ASTN2: variants seen among roughly 807,000 people sequenced by gnomAD.
ASTN2 encodes the protein astrotactin-2.
In ASTN2, 54 loss-of-function variants were observed where a neutral mutation model predicts 139.8. The ratio of observed to expected loss-of-function variants is 0.39; its 90% confidence interval spans 0.31 to 0.48. The LOEUF (loss-of-function observed/expected upper bound fraction) is 0.48, where lower values mean the gene tolerates loss of function less well. Ranked by LOEUF, ASTN2 falls within the 20% of genes least tolerant of loss-of-function variation. The pLI, the probability that ASTN2 is intolerant of heterozygous loss-of-function variation, is 0.95. For synonymous variants in ASTN2, 756 were observed against 719.5 expected (o/e 1.05, Z -0.81); for missense variants, 1,565 against 1,725.1 (o/e 0.91, Z 1.64).
chr9:116,442,576 AGCACCAG>A (rs996038319), intron 20 of ASTN2, 23 bp from the exon 21 acceptor site: 12 of 1,605,092 alleles, frequency 7.5e-6, no homozygotes, highest in Non-Finnish European at 1.0e-5. Context: ...AAGAAAACAG[AGCACCAG>A]GCTGTGACTT....
In ASTN2 at chr9:116,820,181, ACAT is replaced by A. The variant is rs377314244; in HGVS notation, c.2207+433_2207+435del. On this transcript the variant is annotated intron_variant, in intron 12 of 22. Transcript: ENST00000313400. Reference sequence around the variant, plus strand: ...GGCTGAACAGTGCCCTCACATTGCTACATTCCTGCTGAAACCAAGCTTGAAGGC... The same window carrying A: ...GGCTGAACAGTGCCCTCACATTGCTATCCTGCTGAAACCAAGCTTGAAGGC... Among the ~76,000 whole-genome samples, 760 of 152,314 alleles carry A rather than the reference ACAT, an allele frequency of 5.0e-3. 8 individuals are homozygous for A. The highest frequency in any genetic ancestry group is 0.017 in the African/African-American group (707 of 41,570).
At position 117,167,675 on chromosome 9, in the gene ASTN2, A is replaced by T. The variant is rs191623610; in HGVS notation, c.1016-26197T>A. Among the ~76,000 whole-genome samples, 72 of 152,248 alleles carry T rather than the reference A, an allele frequency of 4.7e-4. 1 individual carries two copies. In the East Asian group the frequency reaches 0.013, roughly 27 times the overall value. ...ATATCTATTTAGTACATTATCAAGCATCTATGATAAACCAGGCTCTGAACA... is the reference window on the plus strand; with the variant it reads ...ATATCTATTTAGTACATTATCAAGCTTCTATGATAAACCAGGCTCTGAACA... On this transcript the variant is annotated intron_variant, in intron 3 of 22. Coordinates refer to ENST00000313400, the MANE Select transcript of ASTN2 (RefSeq NM_001365068.1).
intron 10 of ASTN2, among the ~76,000 whole-genome samples, chr9:116,928,238 A>G (rs929990578): frequency 6.6e-6 from 1 of 152,160 alleles, no homozygotes; most frequent in Non-Finnish European, 1.5e-5. Flanking sequence ...CACATGAAAA[A>G]ACTGAGGCAC....
chr9:116,875,581 G>A (rs1012912255), intron 10 of ASTN2, among the ~76,000 whole-genome samples: 4 of 152,202 alleles, frequency 2.6e-5, no homozygotes, highest in Admixed American at 6.5e-5. Flanking sequence ...TCCAACAACC[G>A]ATTTTCAATG....
intron 1 of ASTN2, among the ~76,000 whole-genome samples, chr9:117,402,696 TATTC>T (rs1830868924): frequency 1.3e-5 from 2 of 152,334 alleles, no homozygotes; most frequent in East Asian, 3.9e-4. Context: ...ACTAAACAAG[TATTC>T]ATTATTTATC....
chr9:116,919,242 G>A (rs568372604), intron 10 of ASTN2, among the ~76,000 whole-genome samples: 1 of 152,306 alleles, frequency 6.6e-6, no homozygotes, highest in African/African-American at 2.4e-5. Flanking sequence ...TGATGTGGTA[G>A]GGATGGAGGT....
chr9:116,975,161 A>C (rs1252623068), intron 10 of ASTN2, 47 bp downstream of exon 10: 1 of 1,492,426 alleles, frequency 6.7e-7, no homozygotes, highest in Middle Eastern at 1.8e-4. Flanking sequence ...GGGGACTTCC[A>C]AGGTTTTAAG....
In ASTN2 at chr9:116,649,743, G is replaced by C. The variant is rs1857802447; in HGVS notation, c.3072+1785C>G. Among the ~76,000 whole-genome samples, 3 of 149,846 alleles carry C rather than the reference G, an allele frequency of 2.0e-5. No homozygotes were observed. In the South Asian group the frequency reaches 6.3e-4, roughly 32 times the overall value. On this transcript the variant is annotated intron_variant, in intron 17 of 22. Coordinates refer to ENST00000313400, the MANE Select transcript of ASTN2 (RefSeq NM_001365068.1). ...ATGCTGTCCCATGGATGGGAATTTGGGTTTTTTACAGAGGCCTCCTTCTGC... is the reference window on the plus strand; with the variant it reads ...ATGCTGTCCCATGGATGGGAATTTGCGTTTTTTACAGAGGCCTCCTTCTGC...
rs138279234 is a variant in ASTN2 at position 116,590,756 on chromosome 9, A to T, written c.3355+27568T>A. ...TCCCTGAAGCCCATAAAAACTCCGG[A>T]CTCAGCCAGACTCAGATAGATGTCA... On this transcript the variant is annotated intron_variant, in intron 19 of 22. Coordinates refer to ENST00000313400, the MANE Select transcript of ASTN2 (RefSeq NM_001365068.1). 3.2e-4 allele frequency among the ~76,000 whole-genome samples: 49 copies of T among 152,222 alleles called. No homozygotes were observed. In the East Asian group the frequency reaches 9.3e-3, roughly 29 times the overall value.
chr9:116,570,861 T>G (rs1853476076), intron 19 of ASTN2, among the ~76,000 whole-genome samples: 1 of 152,244 alleles, frequency 6.6e-6, no homozygotes. Flanking sequence ...TCCTGTACCA[T>G]CCTGACCTGT....
intron 13 of ASTN2, among the ~76,000 whole-genome samples, chr9:116,766,640 T>G (rs1183956772): frequency 6.6e-6 from 1 of 151,858 alleles, no homozygotes; most frequent in East Asian, 1.9e-4. Flanking sequence ...TACCCGTAAA[T>G]GCACCCACAT....
chr9:116,513,702 T>C (rs986363880), intron 19 of ASTN2, among the ~76,000 whole-genome samples: 3 of 152,218 alleles, frequency 2.0e-5, no homozygotes, highest in African/African-American at 4.8e-5. Context: ...TTTGTTTCTT[T>C]TTATTCTTTT....
chr9:116,815,816 A>AAACAAAAAAC (rs1554750245), intron 12 of ASTN2, among the ~76,000 whole-genome samples: 2 of 140,982 alleles, frequency 1.4e-5, no homozygotes, highest in African/African-American at 5.8e-5. Flanking sequence ...AAAAAAAAAA[A>AAACAAAAAAC]AAAAAAAAAA....
intron 16 of ASTN2, among the ~76,000 whole-genome samples, chr9:116,666,432 A>G (rs1475155917): frequency 6.6e-6 from 1 of 152,224 alleles, no homozygotes; most frequent in Non-Finnish European, 1.5e-5. Context: ...AACATTTCCT[A>G]TGACTTTGAC....
At chr9:117,072,480 G>A (rs1828161795) in intron 5 of ASTN2, among the ~76,000 whole-genome samples, 1 of 152,204 alleles carries the variant, frequency 6.6e-6, no homozygotes, top group African/African-American at 2.4e-5. Context: ...TTAGAGCTGA[G>A]AAGAAATTGA....
chr9:117,156,344 A>C (rs995233130), intron 3 of ASTN2, among the ~76,000 whole-genome samples: 8 of 152,044 alleles, frequency 5.3e-5, no homozygotes, highest in African/African-American at 1.9e-4. Context: ...AGATGGGAAA[A>C]CTGATCCTGA....
At position 116,784,876 on chromosome 9, in the gene ASTN2, C is replaced by G. The variant is rs187673495; in HGVS notation, c.2396+20756G>C. The stretch of plus-strand genomic sequence containing the variant: ...CCAGGGAGGTGGAGGTTGCGGTGAG[C>G]TGAGATTGCACCATTGCACTCCAGC... On this transcript the variant is annotated intron_variant, in intron 13 of 22. Coordinates refer to ENST00000313400, the MANE Select transcript of ASTN2 (RefSeq NM_001365068.1). 5.5e-3 allele frequency among the ~76,000 whole-genome samples: 799 copies of G among 145,700 alleles called. 2 individuals are homozygous for G. Among genetic ancestry groups the G allele is most frequent in the Non-Finnish European group, 9.4e-3 (634 of 67,410 alleles).
intron 18 of ASTN2, among the ~76,000 whole-genome samples, 184 bp from the exon 19 acceptor site, chr9:116,618,656 T>C (rs112552673): frequency 1.0e-3 from 155 of 152,306 alleles, no homozygotes; most frequent in African/African-American, 3.6e-3. Context: ...CTGTTTCTCA[T>C]CCATAAAATA....
At chr9:117,066,082 T>A (rs1827930302) in intron 5 of ASTN2, among the ~76,000 whole-genome samples, 1 of 148,814 alleles carries the variant, frequency 6.7e-6, no homozygotes, top group African/African-American at 2.5e-5. Flanking sequence ...GTTAGTTACA[T>A]ATGTATACAT....
Sources: allele counts gnomAD v4.1 joint callset (sites outside exome capture counted in the v4.1 genomes callset), GRCh38; gene constraint gnomAD v4.1.1; transcripts MANE v1.5; gene names NCBI Gene and HGNC (gene_info 2026-07-23, HGNC 2026-07-21).